The following CPQ variants were observed in gnomAD, a reference collection of about 807,000 sequenced individuals.
CPQ encodes the protein Ser-Met dipeptidase.
A neutral mutation model predicts 45.7 loss-of-function variants in CPQ; 37 were observed. The observed-to-expected ratio is 0.81, with a 90% CI of 0.62 to 1.07. CPQ has a LOEUF of 1.07. Ranked by LOEUF, CPQ falls within the 50% of genes least tolerant of loss-of-function variation. The pLI is 0.00. For missense variants in CPQ, 537 were observed against 572.9 expected, an observed-to-expected ratio of 0.94 and a Z score of 0.64; for synonymous variants, 186 against 205.8, an observed-to-expected ratio of 0.90 and a Z score of 0.82.
chr8:97,083,574 T>C (rs556757706), intron 7 of CPQ, among the ~76,000 whole-genome samples: 7 of 152,208 alleles, frequency 4.6e-5, no homozygotes, highest in Non-Finnish European at 1.0e-4. Flanking sequence ...CAAATATTAA[T>C]AACATTACTA....
intron 7 of CPQ, among the ~76,000 whole-genome samples, chr8:97,079,684 A>G (rs1810913467): frequency 6.6e-6 from 1 of 152,166 alleles, no homozygotes; most frequent in South Asian, 2.1e-4. Flanking sequence ...AGTTCAGGCC[A>G]AAAGAAAGGT....
intron 6 of CPQ, among the ~76,000 whole-genome samples, chr8:97,053,020 A>G (rs1208337260): frequency 6.6e-6 from 1 of 152,210 alleles, no homozygotes; most frequent in African/African-American, 2.4e-5. Flanking sequence ...AACTGATGTT[A>G]TTTTATCACC....
At chr8:96,889,673 A>C (rs927677546) in intron 4 of CPQ, among the ~76,000 whole-genome samples, 1 of 152,200 alleles carries the variant, frequency 6.6e-6, no homozygotes, top group African/African-American at 2.4e-5. Flanking sequence ...TGCAGCCTTC[A>C]GTCTGTGGCC....
At chr8:97,080,917 CTTCCTTCCTTCCTTCT>C (rs1203387592) in intron 7 of CPQ, among the ~76,000 whole-genome samples, 1 of 150,204 alleles carries the variant, frequency 6.7e-6, no homozygotes, top group South Asian at 2.1e-4. Flanking sequence ...CCCTTCTTTC[CTTCCTTCCTTCCTTCT>C]TTCCTTCCTT....
At chr8:96,897,015 A>G (rs570260499) in intron 4 of CPQ, among the ~76,000 whole-genome samples, 1 of 152,226 alleles carries the variant, frequency 6.6e-6, no homozygotes, top group South Asian at 2.1e-4. Context: ...TTCCCACACC[A>G]TTACTCTTTC....
intron 7 of CPQ, among the ~76,000 whole-genome samples, chr8:97,078,914 C>T (rs1810900796): frequency 6.6e-6 from 1 of 152,002 alleles, no homozygotes; most frequent in East Asian, 1.9e-4. Context: ...CTTCCCACCT[C>T]AGCCTCCCGA....
At chr8:97,049,894 G>T (rs1418986625) in intron 6 of CPQ, among the ~76,000 whole-genome samples, 1 of 152,186 alleles carries the variant, frequency 6.6e-6, no homozygotes, top group African/African-American at 2.4e-5. Flanking sequence ...TTTTGACAAG[G>T]TGCTAAAGGT....
At chr8:96,789,606 C>T (rs917039372) in intron 2 of CPQ, among the ~76,000 whole-genome samples, 2 of 151,990 alleles carry the variant, frequency 1.3e-5, no homozygotes, top group African/African-American at 2.4e-5. Flanking sequence ...TTTGTTTTTT[C>T]CCCCAACTTT....
At chr8:97,092,794 A>G (rs2130568260) in intron 7 of CPQ, 1 of 152,202 alleles carries the variant, frequency 6.6e-6, no homozygotes, top group South Asian at 2.1e-4. Flanking sequence ...TCCAAAAGCA[A>G]TTGTAACAAA....
chr8:96,785,863 A>G (rs989877027), intron 2 of CPQ, among the ~76,000 whole-genome samples: 22 of 152,280 alleles, frequency 1.4e-4, no homozygotes, highest in African/African-American at 5.3e-4. Flanking sequence ...AAATGCCCAG[A>G]TCAGGGATGT....
intron 7 of CPQ, among the ~76,000 whole-genome samples, chr8:97,071,251 A>G (rs950567036): frequency 6.6e-6 from 1 of 152,184 alleles, no homozygotes; most frequent in Non-Finnish European, 1.5e-5. Context: ...TTTGTTATTA[A>G]GCATCCTTAT....
At chr8:97,021,434 T>A (rs1428917324) in intron 5 of CPQ, among the ~76,000 whole-genome samples, 1 of 152,104 alleles carries the variant, frequency 6.6e-6, no homozygotes, top group Admixed American at 6.6e-5. Flanking sequence ...TGTCTGCTGA[T>A]GATATGATTG....
At chr8:96,845,326 T>G (rs1255183235) in intron 3 of CPQ, among the ~76,000 whole-genome samples, 2 of 152,202 alleles carry the variant, frequency 1.3e-5, no homozygotes, top group African/African-American at 4.8e-5. Flanking sequence ...GAACTGTGTC[T>G]TTCGTGTACC....
At chr8:96,966,970 T>C (rs963937425) in intron 5 of CPQ, among the ~76,000 whole-genome samples, 2 of 152,210 alleles carry the variant, frequency 1.3e-5, no homozygotes, top group Non-Finnish European at 2.9e-5. Flanking sequence ...AATATAGACA[T>C]AATTTCAACA....
chr8:96,738,507 T>C (rs200041419), intron 1 of CPQ, among the ~76,000 whole-genome samples: 5 of 152,050 alleles, frequency 3.3e-5, no homozygotes, highest in Non-Finnish European at 5.9e-5. Flanking sequence ...ATGTGCACAA[T>C]GTGCAGGTTA....
At chr8:96,763,612 T>C (rs189347751) in intron 1 of CPQ, among the ~76,000 whole-genome samples, 9 of 152,188 alleles carry the variant, frequency 5.9e-5, no homozygotes, top group African/African-American at 1.9e-4. Flanking sequence ...TATATATATA[T>C]ACACATACAC....
chr8:96,729,843 A>ATG (rs1285945663), intron 1 of CPQ, among the ~76,000 whole-genome samples: 1 of 148,904 alleles, frequency 6.7e-6, no homozygotes, highest in Non-Finnish European at 1.5e-5. Flanking sequence ...TGAATTTCTT[A>ATG]TGTGTGTGTG....
At chr8:96,930,912 A>G (rs1455593698) in intron 4 of CPQ, among the ~76,000 whole-genome samples, 6 of 152,188 alleles carry the variant, frequency 3.9e-5, no homozygotes, top group Non-Finnish European at 8.8e-5. Flanking sequence ...TCAGTGTGCT[A>G]AATCTTATAA....
intron 7 of CPQ, among the ~76,000 whole-genome samples, chr8:97,130,310 A>C (rs1429964248): frequency 1.3e-5 from 2 of 152,026 alleles, no homozygotes; most frequent in Non-Finnish European, 1.5e-5. Context: ...AGCAAATCTC[A>C]AGCATCGTTT....
Sources: gnomAD v4.1 joint callset for allele counts (sites outside exome capture counted in the v4.1 genomes callset) on GRCh38, gnomAD v4.1.1 for gene constraint, MANE v1.5 for transcripts, NCBI Gene and HGNC (gene_info 2026-07-23, HGNC 2026-07-21) for gene names.